Variants in DSCAM observed in about 807,000 individuals in gnomAD.
DSCAM encodes DS cell adhesion molecule.
Under a neutral mutation model 217.7 loss-of-function variants are expected in DSCAM, and 47 were observed. The observed-to-expected ratio is 0.22, with a 90% confidence interval of 0.17 to 0.28. The LOEUF (loss-of-function observed/expected upper bound fraction) is 0.28. Among genes scored for constraint, DSCAM ranks in the 10% least tolerant of loss-of-function variants. The pLI, the probability that DSCAM is intolerant of heterozygous loss-of-function variation, is 1.00. For missense variants in DSCAM, 2,080 were observed against 2,618.3 expected, an observed-to-expected ratio of 0.79 and a Z score of 4.49; for synonymous variants, 1,056 against 1,015.3, an observed-to-expected ratio of 1.04 and a Z score of -0.76.
At chr21:40,638,594 C>G (rs996460451) in intron 3 of DSCAM, among the ~76,000 whole-genome samples, 5 of 152,162 alleles carry the variant, frequency 3.3e-5, no homozygotes, top group Admixed American at 3.3e-4. Context: ...GTTTCCTCTG[C>G]TCTTGCATTC....
At chr21:40,597,252 G>C (rs1316208536) in intron 3 of DSCAM, among the ~76,000 whole-genome samples, 2 of 152,108 alleles carry the variant, frequency 1.3e-5, no homozygotes, top group Admixed American at 1.3e-4. Flanking sequence ...TACACCCTGA[G>C]AGCAATATTC....
At chr21:40,699,325 T>C (rs1055196696) in intron 2 of DSCAM, among the ~76,000 whole-genome samples, 7 of 152,194 alleles carry the variant, frequency 4.6e-5, no homozygotes, top group African/African-American at 1.7e-4. Context: ...GCATCCCTTT[T>C]TTTGAGACAC....
intron 3 of DSCAM, among the ~76,000 whole-genome samples, chr21:40,460,364 A>G (rs2075796849): frequency 6.6e-6 from 1 of 152,204 alleles, no homozygotes; most frequent in Admixed American, 6.5e-5. Flanking sequence ...GATACAAATG[A>G]CAAACATAAA....
intron 3 of DSCAM, among the ~76,000 whole-genome samples, chr21:40,678,326 A>AT (rs1198056519): frequency 2.0e-5 from 3 of 152,212 alleles, no homozygotes; most frequent in African/African-American, 7.2e-5. Context: ...TAATGGAGAA[A>AT]TTTTCAACTG....
At chr21:40,182,622 CACCAGAGAAACCGTGGACAGGAGGGGGTT>C (rs1568986412) in intron 14 of DSCAM, among the ~76,000 whole-genome samples, 20 of 101,024 alleles carry the variant, frequency 2.0e-4, no homozygotes, top group East Asian at 6.1e-4. Context: ...CAGAACGGGC[CACCAGAGAAACCGTGGACAGGAGGGGGTT>C]ACCAGAGAAA....
At chr21:40,209,028 T>C (rs568197677) in intron 11 of DSCAM, among the ~76,000 whole-genome samples, 2 of 152,284 alleles carry the variant, frequency 1.3e-5, no homozygotes, top group African/African-American at 2.4e-5. Context: ...GCGGGCACTA[T>C]TTTGAGAACT....
intron 1 of DSCAM, among the ~76,000 whole-genome samples, chr21:40,712,267 T>C (rs998822244): frequency 1.3e-5 from 2 of 151,930 alleles, no homozygotes. Flanking sequence ...CATGTAAGAA[T>C]CTAACATTTC....
chr21:40,348,111 C>G (rs1268154900), intron 5 of DSCAM, among the ~76,000 whole-genome samples, 166 bp from the exon 6 acceptor site: 2 of 151,960 alleles, frequency 1.3e-5, no homozygotes. Context: ...TCCCATCAGC[C>G]ACATTATTGC....
intron 8 of DSCAM, among the ~76,000 whole-genome samples, chr21:40,337,462 C>T (rs2837572): frequency 0.5 from 76,715 of 152,008 alleles, 20,362 homozygotes; most frequent in East Asian, 0.71. Context: ...TAAAAGTCTG[C>T]GTATCCTTGG....
intron 20 of DSCAM, among the ~76,000 whole-genome samples, 169 bp downstream of exon 20, chr21:40,124,026 G>A (rs561267856): frequency 1.3e-5 from 2 of 152,290 alleles, no homozygotes; most frequent in East Asian, 1.9e-4. Context: ...ATTTTCAAAT[G>A]AGGTGTAAAT....
intron 11 of DSCAM, among the ~76,000 whole-genome samples, chr21:40,235,466 G>T (rs1047062603): frequency 3.3e-5 from 5 of 152,106 alleles, no homozygotes; most frequent in Admixed American, 3.3e-4. Flanking sequence ...CTGCTACTTC[G>T]GTCTGTGTAG....
At chr21:40,218,633 T>C (rs1166588905) in intron 11 of DSCAM, among the ~76,000 whole-genome samples, 1 of 152,196 alleles carries the variant, frequency 6.6e-6, no homozygotes, top group African/African-American at 2.4e-5. Flanking sequence ...TTGGGATTTT[T>C]TTTTTCACTT....
intron 11 of DSCAM, among the ~76,000 whole-genome samples, chr21:40,215,225 CAAAAAAAAAAAAAAAAAAAAAAAAAA>C (rs1162761613): frequency 1.6e-3 from 9 of 5,484 alleles, no homozygotes; most frequent in African/African-American, 3.0e-3. Context: ...GACTCCGTCT[CAAAAAAAAAAAAAAAAAAAAAAAAAA>C]AAAAAAAAAA....
intron 27 of DSCAM, among the ~76,000 whole-genome samples, chr21:40,064,153 G>C (rs977291939): frequency 4.1e-5 from 6 of 146,840 alleles, no homozygotes; most frequent in Non-Finnish European, 7.4e-5. Context: ...TATACTTCAT[G>C]TATGTATATA....
At chr21:40,747,789 A>G (rs916112246) in intron 1 of DSCAM, among the ~76,000 whole-genome samples, 3 of 151,954 alleles carry the variant, frequency 2.0e-5, no homozygotes, top group African/African-American at 7.2e-5. Flanking sequence ...ATAGGCCAAT[A>G]TTCCTGATGA....
chr21:40,265,787 G>A (rs1267805034), intron 11 of DSCAM, among the ~76,000 whole-genome samples: 1 of 152,116 alleles, frequency 6.6e-6, no homozygotes, highest in East Asian at 1.9e-4. Context: ...AAACGGTGCT[G>A]GGAAAATCAA....
At chr21:40,713,806 G>C (rs1366548316) in intron 1 of DSCAM, among the ~76,000 whole-genome samples, 1 of 152,114 alleles carries the variant, frequency 6.6e-6, no homozygotes, top group East Asian at 1.9e-4. Context: ...TCACAATAAA[G>C]GAAGAAGTAG....
chr21:40,618,469 C>T (rs938489829), intron 3 of DSCAM: 1 of 152,150 alleles, frequency 6.6e-6, no homozygotes, highest in Non-Finnish European at 1.5e-5. Flanking sequence ...ACCCTGATGG[C>T]CTGGGAGGCG....
In DSCAM at chr21:40,036,907, G is replaced by T. The variant is rs924399999; in HGVS notation, c.5686+5464C>A. On this transcript the variant is annotated intron_variant, in intron 32 of 32. Coordinates refer to ENST00000400454, the MANE Select transcript of DSCAM (RefSeq NM_001389.5). ...AATCCAGCATATAAACAGAGCCAAAGACAAAAACCACATGATTATCTGCAT... is the reference window on the plus strand; with the variant it reads ...AATCCAGCATATAAACAGAGCCAAATACAAAAACCACATGATTATCTGCAT... 2.7e-5 allele frequency among the ~76,000 whole-genome samples: 4 copies of T among 150,538 alleles called. No homozygotes were observed. The East Asian group carries it at 5.8e-4, about 22-fold the overall frequency.
Sources: allele counts gnomAD v4.1 joint callset (sites outside exome capture counted in the v4.1 genomes callset), GRCh38; gene constraint gnomAD v4.1.1; transcripts MANE v1.5; gene names NCBI Gene and HGNC (gene_info 2026-07-23, HGNC 2026-07-21).